MAF: variants seen among roughly 807,000 people sequenced by gnomAD.
The protein encoded by MAF is MAF bZIP transcription factor.
A neutral mutation model predicts 22.0 loss-of-function variants in MAF; 10 were observed. The ratio of observed to expected loss-of-function variants is 0.45; its 90% CI spans 0.28 to 0.77. The LOEUF (loss-of-function observed/expected upper bound fraction) is 0.77. Among genes scored for constraint, MAF ranks in the 30% least tolerant of loss-of-function variants. MAF has a pLI of 0.12. For synonymous variants in MAF, 337 were observed against 255.8 expected (o/e 1.32, Z -3.03); for missense variants, 544 against 548.4 (o/e 0.99, Z 0.08).
chr16:79,248,468 C>G, the MAF span, among the ~76,000 whole-genome samples: 5 of 152,252 alleles, frequency 3.3e-5, no homozygotes, highest in East Asian at 9.6e-4. Flanking sequence ...ACAGTCAAAT[C>G]CTTTCATAGT....
the MAF span, among the ~76,000 whole-genome samples, chr16:79,381,927 C>G: frequency 6.6e-6 from 1 of 152,158 alleles, no homozygotes; most frequent in Non-Finnish European, 1.5e-5. Context: ...CCTCGCTTAA[C>G]CCACATCTGG....
the MAF span, among the ~76,000 whole-genome samples, chr16:79,228,263 A>C: frequency 6.6e-6 from 1 of 152,096 alleles, no homozygotes; most frequent in Non-Finnish European, 1.5e-5. Flanking sequence ...ATTTGAAGGG[A>C]AAGAATGAAA....
the MAF span, chr16:79,212,914 G>GAAAGAAAA: frequency 2.0e-5 from 3 of 151,432 alleles, no homozygotes; most frequent in African/African-American, 4.8e-5. Flanking sequence ...GTTAAAGAAA[G>GAAAGAAAA]AAAAAAGAAA....
chr16:79,502,708 A>ATACAT, the MAF span, among the ~76,000 whole-genome samples: 421 of 33,940 alleles, frequency 0.012, 55 homozygotes, highest in Non-Finnish European at 0.018. Flanking sequence ...TATAAATATA[A>ATACAT]ATATATATAT....
the MAF span, among the ~76,000 whole-genome samples, chr16:79,403,754 G>A: frequency 6.6e-6 from 1 of 152,124 alleles, no homozygotes; most frequent in Non-Finnish European, 1.5e-5. Flanking sequence ...AAAAACATAC[G>A]ATCTATATTT....
At chr16:79,436,770 C>T in the MAF span, among the ~76,000 whole-genome samples, 70,412 of 152,014 alleles carry the variant, frequency 0.46, 18,895 homozygotes, top group Non-Finnish European at 0.6. Context: ...GACGTGATGC[C>T]CTCTTGGAAA....
At chr16:79,289,151 G>A in the MAF span, among the ~76,000 whole-genome samples, 3 of 152,172 alleles carry the variant, frequency 2.0e-5, no homozygotes, top group African/African-American at 4.8e-5. Context: ...AATGTCACTC[G>A]ATTCTCAAGA....
At chr16:79,596,052 A>G in intron 1 of MAF, 1 of 1,061,458 alleles carries the variant, frequency 9.4e-7, no homozygotes, top group Non-Finnish European at 1.1e-6. Context: ...GTGAAAAGGC[A>G]AGCGCTGTTT....
At chr16:79,571,804 T>G in the MAF span, among the ~76,000 whole-genome samples, 20 of 152,268 alleles carry the variant, frequency 1.3e-4, no homozygotes, top group South Asian at 4.1e-4. Flanking sequence ...ATGCTGGAAA[T>G]GCTTTTCAGC....
At chr16:79,494,341 C>T in the MAF span, among the ~76,000 whole-genome samples, 1 of 152,182 alleles carries the variant, frequency 6.6e-6, no homozygotes, top group Non-Finnish European at 1.5e-5. Flanking sequence ...GGACTGAGGT[C>T]TCTGTTTCCT....
At chr16:79,223,459 A>T in the MAF span, among the ~76,000 whole-genome samples, 1 of 152,228 alleles carries the variant, frequency 6.6e-6, no homozygotes, top group Non-Finnish European at 1.5e-5. Context: ...AGAACTAGAG[A>T]AGCAAGAGCA....
chr16:79,309,136 C>G, the MAF span, among the ~76,000 whole-genome samples: 1 of 152,080 alleles, frequency 6.6e-6, no homozygotes, highest in Non-Finnish European at 1.5e-5. Context: ...TCCATCTAAG[C>G]CTTGGATACA....
the MAF span, among the ~76,000 whole-genome samples, chr16:79,356,006 G>C: frequency 6.6e-6 from 1 of 151,924 alleles, no homozygotes; most frequent in East Asian, 1.9e-4. Context: ...CCTCCCCGGA[G>C]AGCCTCCTCT....
chr16:79,574,423 T>C, the MAF span, among the ~76,000 whole-genome samples: 1 of 152,198 alleles, frequency 6.6e-6, no homozygotes, highest in African/African-American at 2.4e-5. Context: ...ACTAAATACA[T>C]TATTCTCTTT....
chr16:79,211,709 A>G, the MAF span: 23 of 1,614,228 alleles, frequency 1.4e-5, no homozygotes, highest in South Asian at 4.4e-5. Context: ...TGCCCTCACC[A>G]GAAGCTCAGA....
At chr16:79,213,487 T>C in the MAF span, among the ~76,000 whole-genome samples, 6 of 152,250 alleles carry the variant, frequency 3.9e-5, no homozygotes, top group African/African-American at 1.4e-4. Context: ...AATCTACACC[T>C]GGAGGGGATC....
At chr16:79,595,226 G>A (rs40965) in intron 1 of MAF, 187,463 of 1,041,926 alleles carry the variant, frequency 0.18, 18,309 homozygotes, top group Non-Finnish European at 0.2. Context: ...GCAAAATTAA[G>A]TGTGGATTCA....
chr16:79,323,220 A>ACAGAAAAGT, the MAF span, among the ~76,000 whole-genome samples: 3 of 148,028 alleles, frequency 2.0e-5, no homozygotes, highest in Non-Finnish European at 4.5e-5. Flanking sequence ...TAAGAGTTCA[A>ACAGAAAAGT]CAGAAAAGTC....
At chr16:79,290,098 C>T in the MAF span, among the ~76,000 whole-genome samples, 2 of 152,062 alleles carry the variant, frequency 1.3e-5, no homozygotes, top group African/African-American at 4.8e-5. Context: ...ACCTTGTGAT[C>T]CACCCACCTC....
Sources: allele counts gnomAD v4.1 joint callset (sites outside exome capture counted in the v4.1 genomes callset), GRCh38; gene constraint gnomAD v4.1.1; transcripts MANE v1.5; gene names NCBI Gene and HGNC (gene_info 2026-07-23, HGNC 2026-07-21).